The following NBEA variants were observed in gnomAD, a reference collection of about 807,000 sequenced individuals.
NBEA encodes the protein neurobeachin.
NBEA carries 44 observed loss-of-function variants against 343.4 expected under a neutral mutation model. The ratio of observed to expected loss-of-function variants is 0.13; its 90% confidence interval spans 0.10 to 0.16. NBEA has a LOEUF of 0.16. Ranked by LOEUF, NBEA falls within the 10% of genes least tolerant of loss-of-function variation. The probability of loss-of-function intolerance (pLI) is 1.00; values close to 1 mark genes in which losing one functional copy is unlikely to be tolerated. For missense variants in NBEA, 2,555 were observed against 3,631.3 expected (o/e 0.70, Z 7.62); for synonymous variants, 1,175 against 1,238.7 (o/e 0.95, Z 1.08).
At position 35,157,358 on chromosome 13, in the gene NBEA, G is replaced by T. The variant is rs73502427; in HGVS notation, c.2844+88G>T. On this transcript the variant is annotated intron_variant, in intron 21 of 58. Coordinates refer to ENST00000379939, the MANE Select transcript of NBEA (RefSeq NM_001385012.1). Reference sequence around the variant, plus strand: ...ACATGCATCTGGTGCCATCTTGTGGGCATCTTAGATTTTGACAGATTCCTG... The same window carrying T: ...ACATGCATCTGGTGCCATCTTGTGGTCATCTTAGATTTTGACAGATTCCTG... The T allele has an allele frequency of 1.5e-3, 1,523 of 1,015,886 alleles. 20 individuals are homozygous for T. The African/African-American group carries it at 0.023, about 16-fold the overall frequency. The allele number at this position is 1,015,886 out of a possible 1,614,324, so 62.9% of individuals were successfully genotyped here.
chr13:35,481,474 A>C (rs1057062317), intron 41 of NBEA, among the ~76,000 whole-genome samples: 2 of 151,874 alleles, frequency 1.3e-5, no homozygotes, highest in Non-Finnish European at 3.0e-5. Flanking sequence ...AAATGGGGAA[A>C]GGGAGGTTAT....
chr13:35,584,131 A>G, intron 46 of NBEA, 93 bp downstream of exon 46: 2 of 1,212,850 alleles, frequency 1.6e-6, no homozygotes, highest in Non-Finnish European at 2.4e-6. Flanking sequence ...TAATTTGATT[A>G]ACAAAGATTA....
chr13:35,521,849 G>A (rs1216976115), intron 41 of NBEA, among the ~76,000 whole-genome samples: 1 of 152,120 alleles, frequency 6.6e-6, no homozygotes, highest in Non-Finnish European at 1.5e-5. Context: ...GGCATGGTTG[G>A]TACATACATT....
In NBEA at chr13:35,476,196, T is replaced by A; in HGVS notation, c.6585+3660T>A. Reference sequence around the variant, plus strand: ...TCTCGCAGTAAGCTGTGGGATCCAATGCGGCTGCTAGAGCTGGAGCCAACT... The same window carrying A: ...TCTCGCAGTAAGCTGTGGGATCCAAAGCGGCTGCTAGAGCTGGAGCCAACT... On this transcript the variant is annotated intron_variant, in intron 41 of 58. Transcript: ENST00000379939. The A allele has an allele frequency of 1.9e-6, 3 of 1,611,142 alleles. No individual in the cohort carries two copies. The South Asian group carries it at 3.3e-5, about 18-fold the overall frequency.
intron 17 of NBEA, among the ~76,000 whole-genome samples, chr13:35,135,893 A>T (rs2152689653): frequency 6.6e-6 from 1 of 152,098 alleles, no homozygotes; most frequent in African/African-American, 2.4e-5. Flanking sequence ...CCTTCAAACC[A>T]TATCACCACA....
At chr13:35,403,367 T>C (rs1425584508) in intron 38 of NBEA, among the ~76,000 whole-genome samples, 1 of 152,060 alleles carries the variant, frequency 6.6e-6, no homozygotes, top group African/African-American at 2.4e-5. Context: ...GCTTACAATC[T>C]AGTAAGAGTG....
At chr13:35,337,552 C>T (rs1286184578) in intron 36 of NBEA, among the ~76,000 whole-genome samples, 3 of 151,978 alleles carry the variant, frequency 2.0e-5, no homozygotes, top group African/African-American at 7.2e-5. Context: ...AAATATGTTA[C>T]TTGGAGACTT....
chr13:35,102,702 A>T (rs952878689), intron 11 of NBEA, among the ~76,000 whole-genome samples: 2 of 151,878 alleles, frequency 1.3e-5, no homozygotes. Flanking sequence ...TGTTACTGGT[A>T]CATAGAATTA....
At chr13:35,497,133 A>G (rs967021215) in intron 41 of NBEA, among the ~76,000 whole-genome samples, 1 of 152,050 alleles carries the variant, frequency 6.6e-6, no homozygotes, top group African/African-American at 2.4e-5. Context: ...CCAGTCCAGG[A>G]TCACCTCCAA....
At chr13:34,959,278 T>C (rs17051759) in intron 1 of NBEA, among the ~76,000 whole-genome samples, 2,414 of 152,246 alleles carry the variant, frequency 0.016, 67 homozygotes, top group African/African-American at 0.049. Flanking sequence ...TTTATGTTTT[T>C]TTCGTAGGTG....
intron 33 of NBEA, among the ~76,000 whole-genome samples, 185 bp downstream of exon 33, chr13:35,211,364 A>G (rs1416688743): frequency 2.6e-5 from 4 of 152,212 alleles, no homozygotes; most frequent in Non-Finnish European, 5.9e-5. Flanking sequence ...CGATCTAAGC[A>G]GAGATCTTCA....
At chr13:34,944,683 T>G (rs1215110478) in intron 1 of NBEA, among the ~76,000 whole-genome samples, 1 of 152,128 alleles carries the variant, frequency 6.6e-6, no homozygotes, top group East Asian at 1.9e-4. Flanking sequence ...TAAAAGAAGA[T>G]AAATCTCAAA....
intron 38 of NBEA, among the ~76,000 whole-genome samples, chr13:35,379,290 G>A (rs117954911): frequency 0.03 from 4,493 of 152,104 alleles, 101 homozygotes; most frequent in Non-Finnish European, 0.045. Flanking sequence ...TATAGTGTTA[G>A]TGCATTTTCC....
At chr13:35,532,018 T>G (rs1486773915) in intron 41 of NBEA, among the ~76,000 whole-genome samples, 3 of 152,214 alleles carry the variant, frequency 2.0e-5, no homozygotes, top group Non-Finnish European at 2.9e-5. Context: ...ATGCTGTCTG[T>G]TGGACTTTGC....
At chr13:35,014,215 C>T (rs144140210) in intron 1 of NBEA, among the ~76,000 whole-genome samples, 2 of 152,190 alleles carry the variant, frequency 1.3e-5, no homozygotes, top group East Asian at 1.9e-4. Flanking sequence ...GTTCTAGTCA[C>T]GTATTTTTTA....
At chr13:35,284,958 A>G (rs1754609503) in intron 34 of NBEA, among the ~76,000 whole-genome samples, 1 of 152,202 alleles carries the variant, frequency 6.6e-6, no homozygotes, top group Non-Finnish European at 1.5e-5. Flanking sequence ...AGAATCCTTC[A>G]CAATACCATG....
chr13:35,605,612 T>C (rs1194413100), intron 47 of NBEA, among the ~76,000 whole-genome samples: 1 of 152,184 alleles, frequency 6.6e-6, no homozygotes, highest in Non-Finnish European at 1.5e-5. Flanking sequence ...TTTAATTTTC[T>C]CCCAATTACT....
At chr13:35,641,809 G>A (rs1245809736) in intron 49 of NBEA, among the ~76,000 whole-genome samples, 2 of 151,518 alleles carry the variant, frequency 1.3e-5, no homozygotes, top group Non-Finnish European at 2.9e-5. Flanking sequence ...TGTAGATGGT[G>A]GTTAGAAGAA....
chr13:35,562,875 ATTTC>A (rs938769914), intron 44 of NBEA, among the ~76,000 whole-genome samples: 1 of 152,040 alleles, frequency 6.6e-6, no homozygotes, highest in Non-Finnish European at 1.5e-5. Flanking sequence ...TGCAGTTATA[ATTTC>A]TTTGTCAGCT....
Sources: gnomAD v4.1 joint callset for allele counts (sites outside exome capture counted in the v4.1 genomes callset) on GRCh38, gnomAD v4.1.1 for gene constraint, MANE v1.5 for transcripts, NCBI Gene and HGNC (gene_info 2026-07-23, HGNC 2026-07-21) for gene names.